Variants in RTL4 observed in about 807,000 individuals in gnomAD.
The protein encoded by RTL4 is retrotransposon Gag like 4, also known as retrotransposon Gag-like protein 4.
A neutral mutation model predicts 5.3 loss-of-function variants in RTL4; 4 were observed. That is an observed-to-expected ratio of 0.75 (90% CI 0.37 to 1.72). RTL4 has a LOEUF of 1.72. Ranked by LOEUF, RTL4 falls within the 40% of genes most tolerant of loss-of-function variation. RTL4 has a pLI of 0.04. For missense variants in RTL4, 260 were observed against 227.1 expected (o/e 1.14, Z -0.93); for synonymous variants, 98 against 87.3 (o/e 1.12, Z -0.68).
the RTL4 span, among the ~76,000 whole-genome samples, chrX:112,346,675 G>A: frequency 9.0e-6 from 1 of 111,155 alleles, no homozygotes; most frequent in Admixed American, 9.7e-5. Context: ...GAATACTTCG[G>A]ATGTGTGTAA....
At chrX:112,404,333 C>T in the RTL4 span, among the ~76,000 whole-genome samples, 3 of 111,919 alleles carry the variant, frequency 2.7e-5, no homozygotes, top group Non-Finnish European at 3.8e-5. Flanking sequence ...CTAAAAGAGC[C>T]GAGTGTTTTA....
the RTL4 span, among the ~76,000 whole-genome samples, chrX:112,338,271 C>T: frequency 1.3e-4 from 15 of 111,745 alleles, no homozygotes; most frequent in Admixed American, 1.4e-3. Flanking sequence ...AAACAAATAG[C>T]TTGTAACTGG....
At chrX:112,367,283 C>A in the RTL4 span, among the ~76,000 whole-genome samples, 3 of 111,453 alleles carry the variant, frequency 2.7e-5, no homozygotes, top group Non-Finnish European at 5.7e-5. Flanking sequence ...ATGATGACAG[C>A]TGCAAGAAAT....
the RTL4 span, among the ~76,000 whole-genome samples, chrX:112,175,481 A>T: frequency 1.8e-5 from 2 of 109,702 alleles, no homozygotes; most frequent in Non-Finnish European, 3.8e-5. Flanking sequence ...TGGTTACTGT[A>T]GCCTTGTAGT....
chrX:112,356,945 A>T, the RTL4 span, among the ~76,000 whole-genome samples: 1 of 111,649 alleles, frequency 9.0e-6, no homozygotes, highest in Admixed American at 9.6e-5. Context: ...TTGGCAATTC[A>T]TATCTACTAT....
the RTL4 span, among the ~76,000 whole-genome samples, chrX:112,236,446 T>TA: frequency 2.3e-4 from 18 of 78,749 alleles, no homozygotes; most frequent in Non-Finnish European, 3.9e-4. Context: ...TCTATATCTA[T>TA]ATATAGATAT....
the RTL4 span, among the ~76,000 whole-genome samples, chrX:112,387,536 C>T: frequency 9.0e-6 from 1 of 110,713 alleles, no homozygotes; most frequent in South Asian, 3.8e-4. Context: ...AGACCCATTC[C>T]TAGGGAAAGG....
chrX:112,398,365 T>C, the RTL4 span, among the ~76,000 whole-genome samples: 1 of 109,464 alleles, frequency 9.1e-6, no homozygotes, highest in African/African-American at 3.3e-5. Flanking sequence ...TTGTCCCTTT[T>C]GTATATTGTT....
At chrX:112,291,005 G>A in the RTL4 span, among the ~76,000 whole-genome samples, 2 of 111,648 alleles carry the variant, frequency 1.8e-5, no homozygotes, top group South Asian at 3.8e-4. Flanking sequence ...TTATTATTAC[G>A]TTTCTAGTTA....
the RTL4 span, among the ~76,000 whole-genome samples, chrX:112,225,252 C>T: frequency 9.0e-6 from 1 of 111,596 alleles, no homozygotes; most frequent in South Asian, 3.8e-4. Flanking sequence ...ACCTTGGTCT[C>T]TCCTAAGCTC....
At chrX:112,383,536 A>C in the RTL4 span, among the ~76,000 whole-genome samples, 7 of 112,263 alleles carry the variant, frequency 6.2e-5, no homozygotes, top group African/African-American at 2.3e-4. Flanking sequence ...AATGTTATTA[A>C]ATAAAAACAT....
chrX:112,424,878 A>G, the RTL4 span, among the ~76,000 whole-genome samples: 3 of 110,674 alleles, frequency 2.7e-5, no homozygotes, highest in Non-Finnish European at 3.8e-5. Flanking sequence ...CATTATCAAC[A>G]TCCTGCACCA....
chrX:112,231,862 T>C, the RTL4 span, among the ~76,000 whole-genome samples: 2 of 111,718 alleles, frequency 1.8e-5, no homozygotes, highest in Non-Finnish European at 3.8e-5. Context: ...GTGGCTTGTC[T>C]GAAGTTATGT....
the RTL4 span, among the ~76,000 whole-genome samples, chrX:112,115,400 T>G: frequency 9.0e-6 from 1 of 111,554 alleles, no homozygotes; most frequent in Non-Finnish European, 1.9e-5. Context: ...CCTGCTAGTA[T>G]TGGGACCTTA....
the RTL4 span, among the ~76,000 whole-genome samples, chrX:112,273,498 C>T: frequency 7.2e-5 from 8 of 111,473 alleles, no homozygotes; most frequent in South Asian, 3.8e-4. Flanking sequence ...GTGATCTGCC[C>T]GCCTCGGCCT....
At chrX:112,372,477 A>G in the RTL4 span, among the ~76,000 whole-genome samples, 1 of 110,486 alleles carries the variant, frequency 9.1e-6, no homozygotes, top group East Asian at 2.9e-4. Flanking sequence ...GCCCTTGAGG[A>G]TTTTTCTTCT....
At chrX:112,322,312 C>T in the RTL4 span, among the ~76,000 whole-genome samples, 2 of 108,466 alleles carry the variant, frequency 1.8e-5, no homozygotes, top group Non-Finnish European at 3.8e-5. Context: ...ATAAGGACAT[C>T]ATCTTTTCAT....
chrX:112,095,789 T>C, the RTL4 span, among the ~76,000 whole-genome samples: 1 of 110,910 alleles, frequency 9.0e-6, no homozygotes, highest in African/African-American at 3.3e-5. Context: ...TGAGGTACAG[T>C]GGTGAAAGAA....
chrX:112,197,533 G>A, the RTL4 span, among the ~76,000 whole-genome samples: 21,161 of 110,931 alleles, frequency 0.19, 1,543 homozygotes, highest in African/African-American at 0.21. Flanking sequence ...TGTATGGCTG[G>A]AATGGAGTAG....
Sources: allele counts gnomAD v4.1 joint callset (sites outside exome capture counted in the v4.1 genomes callset), GRCh38; gene constraint gnomAD v4.1.1; transcripts MANE v1.5; gene names NCBI Gene and HGNC (gene_info 2026-07-23, HGNC 2026-07-21).